The following SYNJ2BP variants were observed in gnomAD, a reference collection of about 807,000 sequenced individuals.
SYNJ2BP encodes the protein synaptojanin 2 binding protein.
A neutral mutation model predicts 16.9 loss-of-function variants in SYNJ2BP; 10 were observed. The observed-to-expected ratio is 0.59, with a 90% confidence interval of 0.36 to 1.00. The LOEUF is 1.00. Ranked by LOEUF, SYNJ2BP falls within the 50% of genes least tolerant of loss-of-function variation. The pLI, the probability that SYNJ2BP is intolerant of heterozygous loss-of-function variation, is 0.01. For missense variants in SYNJ2BP, 162 were observed against 186.7 expected (o/e 0.87, Z 0.77); for synonymous variants, 54 against 68.4 (o/e 0.79, Z 1.04).
chr14:70,373,899 C>T (rs1015592574), intron 3 of SYNJ2BP, among the ~76,000 whole-genome samples: 2 of 152,170 alleles, frequency 1.3e-5, no homozygotes, highest in African/African-American at 4.8e-5. Context: ...ATGGCATCAT[C>T]GTATTTCAGT....
At position 70,372,712 on chromosome 14, in the gene SYNJ2BP, T is replaced by C. The variant is rs1222519684; in HGVS notation, c.*279A>G. 9.4e-6 allele frequency: 3 copies of C among 320,546 alleles called. No individual in the cohort carries two copies. The highest frequency in any genetic ancestry group is 1.7e-5 in the Non-Finnish European group (3 of 177,750). 19.9% of individuals were successfully genotyped at this position (320,546 alleles called of 1,614,324 possible). A position where few individuals can be genotyped will look rare whatever the true frequency, so the allele number is the denominator to read the frequency against. On this transcript the variant is annotated 3_prime_UTR_variant, in exon 4 of 4. Transcript: ENST00000256366. ...GTGACAGGAAGACTCAATCTTTCTC[T>C]CTTTGGGTTGTAGCTGAATTTCTAT...
intron 1 of SYNJ2BP, among the ~76,000 whole-genome samples, chr14:70,399,472 C>G (rs531366047): frequency 1.3e-5 from 2 of 152,346 alleles, no homozygotes; most frequent in South Asian, 4.1e-4. Context: ...GGGCCAGGGT[C>G]TGGAGCAACA....
At chr14:70,395,114 A>T (rs1395721445) in intron 1 of SYNJ2BP, among the ~76,000 whole-genome samples, 1 of 152,234 alleles carries the variant, frequency 6.6e-6, no homozygotes, top group African/African-American at 2.4e-5. Context: ...TGGTTGTAGA[A>T]CAATCTCCAA....
At chr14:70,411,592 C>T (rs932058210) in intron 1 of SYNJ2BP, among the ~76,000 whole-genome samples, 1 of 152,218 alleles carries the variant, frequency 6.6e-6, no homozygotes, top group Non-Finnish European at 1.5e-5. Flanking sequence ...ACTCACTAAC[C>T]TCAGAATATG....
chr14:70,403,816 T>C (rs1238397075), intron 1 of SYNJ2BP, among the ~76,000 whole-genome samples: 1 of 152,214 alleles, frequency 6.6e-6, no homozygotes, highest in South Asian at 2.1e-4. Flanking sequence ...AATTCTTTCT[T>C]GCGTGAGATC....
chr14:70,374,713 T>C (rs1476823623), intron 3 of SYNJ2BP, among the ~76,000 whole-genome samples: 2 of 152,110 alleles, frequency 1.3e-5, no homozygotes, highest in Non-Finnish European at 2.9e-5. Context: ...GGTCACCAAG[T>C]TGATAAATGA....
intron 1 of SYNJ2BP, among the ~76,000 whole-genome samples, chr14:70,412,496 TATA>T: frequency 6.8e-6 from 1 of 147,218 alleles, no homozygotes; most frequent in African/African-American, 2.5e-5. Flanking sequence ...TATATGTATG[TATA>T]GTATATATAC....
intron 2 of SYNJ2BP, among the ~76,000 whole-genome samples, chr14:70,378,663 C>T (rs528446978): frequency 9.9e-5 from 15 of 152,278 alleles, no homozygotes; most frequent in Non-Finnish European, 1.9e-4. Context: ...GATTGCCAAA[C>T]TCCACAGTCT....
chr14:70,382,011 C>T (rs994846100), intron 2 of SYNJ2BP, among the ~76,000 whole-genome samples: 12 of 152,114 alleles, frequency 7.9e-5, no homozygotes, highest in Admixed American at 2.6e-4. Flanking sequence ...CAAAGGCAGG[C>T]GGATCACGAG....
At chr14:70,389,870 A>T (rs1408568884) in intron 1 of SYNJ2BP, among the ~76,000 whole-genome samples, 1 of 152,198 alleles carries the variant, frequency 6.6e-6, no homozygotes, top group African/African-American at 2.4e-5. Context: ...GGAAACCACC[A>T]TTCTAATATT....
intron 2 of SYNJ2BP, among the ~76,000 whole-genome samples, chr14:70,386,581 A>G (rs565300241): frequency 3.0e-4 from 46 of 152,202 alleles, no homozygotes; most frequent in Non-Finnish European, 4.7e-4. Flanking sequence ...ATTCAGAACC[A>G]TACTGCTGAG....
chr14:70,416,835 G>A, intron 1 of SYNJ2BP, 65 bp downstream of exon 1: 1 of 1,610,350 alleles, frequency 6.2e-7, no homozygotes, highest in Non-Finnish European at 8.5e-7. Flanking sequence ...CGGCTCAGCA[G>A]CAGAGGTGTC....
At chr14:70,409,495 A>G (rs1888422584) in intron 1 of SYNJ2BP, among the ~76,000 whole-genome samples, 1 of 152,196 alleles carries the variant, frequency 6.6e-6, no homozygotes, top group Non-Finnish European at 1.5e-5. Context: ...GCAGTTGAAC[A>G]TCTATCAGCT....
At chr14:70,385,929 A>G (rs1887850734) in intron 2 of SYNJ2BP, among the ~76,000 whole-genome samples, 1 of 152,220 alleles carries the variant, frequency 6.6e-6, no homozygotes, top group South Asian at 2.1e-4. Flanking sequence ...TAGGATTACT[A>G]TAATATTAAA....
At chr14:70,402,038 C>A (rs1298454922) in intron 1 of SYNJ2BP, among the ~76,000 whole-genome samples, 1 of 152,178 alleles carries the variant, frequency 6.6e-6, no homozygotes, top group African/African-American at 2.4e-5. Context: ...CTTCTAACGA[C>A]TCAGACCCCT....
chr14:70,375,687 C>G lies in SYNJ2BP; in HGVS notation c.286G>C (p.Val96Leu). Reference protein sequence around the residue: ...RNAGYAVSLRVQHRLQVQNGP... With the variant: ...RNAGYAVSLRLQHRLQVQNGP... ...AAAGTGATACCTACCCTGTGCTGCACTCTCAGAGACACAGCATAGCCTGCA... is the reference window on the plus strand; with the variant it reads ...AAAGTGATACCTACCCTGTGCTGCAGTCTCAGAGACACAGCATAGCCTGCA... The change falls in exon 3 of 4, where the codon GTG becomes CTG. Residue 96 changes from valine to leucine, a missense_variant. By Grantham distance (32) the Val-to-Leu change is conservative. Coordinates refer to ENST00000256366, the MANE Select transcript of SYNJ2BP (RefSeq NM_018373.3). 1 of 1,613,820 alleles carries G rather than the reference C, an allele frequency of 6.2e-7. No individual in the cohort carries two copies. The highest frequency in any genetic ancestry group is 8.5e-7 in the Non-Finnish European group (1 of 1,179,870).
At chr14:70,402,807 A>C (rs1338081653) in intron 1 of SYNJ2BP, among the ~76,000 whole-genome samples, 1 of 152,188 alleles carries the variant, frequency 6.6e-6, no homozygotes, top group East Asian at 1.9e-4. Flanking sequence ...GTATCTAACA[A>C]GATTATAGTC....
At chr14:70,387,550 G>A (rs909987850) in intron 2 of SYNJ2BP, among the ~76,000 whole-genome samples, 1 of 152,100 alleles carries the variant, frequency 6.6e-6, no homozygotes, top group Non-Finnish European at 1.5e-5. Context: ...AAAGATCTTA[G>A]GCCGGGCCCG....
intron 2 of SYNJ2BP, among the ~76,000 whole-genome samples, chr14:70,378,773 T>C (rs67417438): frequency 0.071 from 10,853 of 152,186 alleles, 558 homozygotes; most frequent in Non-Finnish European, 0.11. Flanking sequence ...CAATCCACCA[T>C]GTCAAGAGAA....
Sources: allele counts gnomAD v4.1 joint callset (sites outside exome capture counted in the v4.1 genomes callset), GRCh38; gene constraint gnomAD v4.1.1; transcripts MANE v1.5; gene names NCBI Gene and HGNC (gene_info 2026-07-23, HGNC 2026-07-21).